WDR64: variants seen among roughly 807,000 people sequenced by gnomAD.
WDR64 encodes the protein WD repeat domain 64, also known as WD repeat-containing protein 64.
Under a neutral mutation model 139.3 loss-of-function variants are expected in WDR64, and 112 were observed. The observed-to-expected ratio is 0.80, with a 90% CI of 0.69 to 0.94. WDR64 has a LOEUF of 0.94. Among genes scored for constraint, WDR64 ranks in the 40% least tolerant of loss-of-function variants. The pLI, the probability that WDR64 is intolerant of heterozygous loss-of-function variation, is 0.00. For missense variants in WDR64, 1,206 were observed against 1,293.1 expected, an observed-to-expected ratio of 0.93 and a Z score of 1.03; for synonymous variants, 444 against 437.7, an observed-to-expected ratio of 1.01 and a Z score of -0.18.
At chr1:241,701,792 GC>G (rs1251959856) in intron 8 of WDR64, among the ~76,000 whole-genome samples, 2 of 152,196 alleles carry the variant, frequency 1.3e-5, no homozygotes, top group Non-Finnish European at 2.9e-5. Flanking sequence ...AGCAGCCACT[GC>G]CATTGTAGAG....
At chr1:241,675,123 C>CCTTCCTTCCTT (rs1427164669) in intron 4 of WDR64, among the ~76,000 whole-genome samples, 1 of 17,298 alleles carries the variant, frequency 5.8e-5, no homozygotes, top group Non-Finnish European at 8.8e-5. Flanking sequence ...CTCCCTCCCT[C>CCTTCCTTCCTT]CTTCCCTCCT....
At chr1:241,722,242 C>T (rs1331877113) in intron 9 of WDR64, among the ~76,000 whole-genome samples, 3 of 152,152 alleles carry the variant, frequency 2.0e-5, no homozygotes, top group Non-Finnish European at 4.4e-5. Flanking sequence ...GAACTATTAA[C>T]ATAGCAAACA....
intron 10 of WDR64, among the ~76,000 whole-genome samples, chr1:241,726,203 T>C (rs567107295): frequency 6.6e-6 from 1 of 152,022 alleles, no homozygotes; most frequent in Admixed American, 6.6e-5. Context: ...GTTTTTATAT[T>C]GATTATATAT....
intron 9 of WDR64, among the ~76,000 whole-genome samples, chr1:241,715,105 G>C (rs1485512599): frequency 6.6e-6 from 1 of 152,162 alleles, no homozygotes; most frequent in Non-Finnish European, 1.5e-5. Flanking sequence ...AGAAAAGAAA[G>C]GAAGGCATAT....
At chr1:241,694,297 G>T (rs1030943348) in intron 8 of WDR64, among the ~76,000 whole-genome samples, 1 of 152,184 alleles carries the variant, frequency 6.6e-6, no homozygotes, top group East Asian at 1.9e-4. Context: ...CTTCATGAAA[G>T]ATACTTTTTT....
In WDR64 at chr1:241,757,476, G is replaced by T; in HGVS notation, c.1947+17G>T. ...CCTACTGATGTAAGTTTCCTCTCTT[G>T]GTTTCTTTTTAACTTTTGCTTTTTG... On this transcript the variant is annotated intron_variant, in intron 15 of 27. Coordinates refer to ENST00000437684, the MANE Select transcript of WDR64 (RefSeq NM_001367482.1). 2 of 1,582,464 alleles carry T rather than the reference G, an allele frequency of 1.3e-6. No individual in the cohort carries two copies. Among genetic ancestry groups the T allele is most frequent in the Non-Finnish European group, 1.7e-6 (2 of 1,165,636 alleles).
intron 17 of WDR64, among the ~76,000 whole-genome samples, chr1:241,769,999 T>G (rs895778703): frequency 6.6e-6 from 1 of 152,206 alleles, no homozygotes; most frequent in Non-Finnish European, 1.5e-5. Flanking sequence ...TATATTTGCA[T>G]AAGAGCTCTG....
chr1:241,682,478 TG>T (rs1490442463), intron 6 of WDR64, among the ~76,000 whole-genome samples: 1 of 151,934 alleles, frequency 6.6e-6, no homozygotes, highest in Non-Finnish European at 1.5e-5. Flanking sequence ...TCTGTTCCAT[TG>T]GTCTATGTGC....
intron 10 of WDR64, among the ~76,000 whole-genome samples, chr1:241,737,485 A>G (rs1276845494): frequency 6.6e-6 from 1 of 152,188 alleles, no homozygotes; most frequent in African/African-American, 2.4e-5. Context: ...CTCAACAAAT[A>G]CTCCAAATTA....
rs755615747 is a variant in WDR64, at chr1:241,766,292, T to G, written c.2022T>G (p.Ala674=). ...LQVEGYNLIA[A]GTLNGVIILW... ...TAGAAGGATATAATTTGATAGCAGC[T>G]GGAACCTTAAATGGTGTGATCATCT... Residue 674 remains alanine (A), a synonymous_variant, in exon 16 of 28, where the codon GCT becomes GCG. Coordinates refer to ENST00000437684, the MANE Select transcript of WDR64 (RefSeq NM_001367482.1). The G allele has an allele frequency of 2.2e-4, 359 of 1,614,056 alleles. No homozygotes were observed. The highest frequency in any genetic ancestry group is 2.9e-4 in the Non-Finnish European group (346 of 1,180,036).
chr1:241,796,677 AG>A (rs1176938452), intron 27 of WDR64, among the ~76,000 whole-genome samples: 1 of 152,076 alleles, frequency 6.6e-6, no homozygotes, highest in African/African-American at 2.4e-5. Context: ...TTTTTTTAGT[AG>A]AGATGGGGTT....
intron 10 of WDR64, among the ~76,000 whole-genome samples, chr1:241,727,264 G>C (rs1039656117): frequency 2.0e-5 from 3 of 152,180 alleles, no homozygotes; most frequent in Non-Finnish European, 4.4e-5. Context: ...AACATGTTAC[G>C]ATTGAGACCT....
At chr1:241,665,231 G>A (rs980043396) in intron 2 of WDR64, among the ~76,000 whole-genome samples, 2 of 152,114 alleles carry the variant, frequency 1.3e-5, no homozygotes, top group Non-Finnish European at 2.9e-5. Context: ...GGGCAGGAAT[G>A]TTCTTCTTTT....
intron 9 of WDR64, among the ~76,000 whole-genome samples, chr1:241,714,722 A>G (rs540436296): frequency 6.6e-6 from 1 of 152,320 alleles, no homozygotes; most frequent in East Asian, 1.9e-4. Flanking sequence ...ATAGTAGCCT[A>G]TTGGCAAGCA....
chr1:241,765,052 TAGC>T (rs1268947147), intron 15 of WDR64, among the ~76,000 whole-genome samples: 2 of 151,588 alleles, frequency 1.3e-5, no homozygotes, highest in African/African-American at 4.8e-5. Flanking sequence ...CCAGGCATGG[TAGC>T]ACCCACCTGT....
rs77229246 is a variant in WDR64, at chr1:241,660,628, A to G, written c.244A>G (p.Asn82Asp). ...DVKRFYRKLC[N>D]NTDASADWCE... The stretch of plus-strand genomic sequence containing the variant: ...GAAACGCTTTTACAGGAAACTGTGC[A>G]ACAACACGGATGCATCTGCAGACTG... Residue 82 changes from asparagine to aspartate, a missense_variant, in exon 2 of 28, where the codon AAC becomes GAC. Physicochemically the swap from Asn to Asp is conservative, Grantham distance 23. Coordinates refer to ENST00000437684, the MANE Select transcript of WDR64 (RefSeq NM_001367482.1). 0.024 allele frequency: 36,952 copies of G among 1,551,554 alleles called. 520 individuals are homozygous for G. Among genetic ancestry groups the G allele is most frequent in the Middle Eastern group, 0.04 (238 of 5,992 alleles).
At chr1:241,665,399 C>T (rs1387089755) in intron 2 of WDR64, among the ~76,000 whole-genome samples, 1 of 152,152 alleles carries the variant, frequency 6.6e-6, no homozygotes, top group East Asian at 1.9e-4. Flanking sequence ...GTATGGATTA[C>T]CTAGTGTTTT....
rs940298006 is a variant in WDR64 at position 241,802,493 on chromosome 1, A to T, written c.*1278A>T. ...TTAATAAAGTTTGGGTTATACAGCT[A>T]GGTGTGCATTTCAAAATTTATTGGA... is the stretch of plus-strand genomic sequence containing the variant. On this transcript the variant is annotated 3_prime_UTR_variant, in exon 28 of 28. Transcript: ENST00000437684. Among the ~76,000 whole-genome samples, 1 of 152,192 alleles carries T rather than the reference A, an allele frequency of 6.6e-6. No individual in the cohort carries two copies. Among genetic ancestry groups the T allele is most frequent in the Non-Finnish European group, 1.5e-5 (1 of 68,016 alleles).
chr1:241,710,125 C>A (rs1375772897), intron 8 of WDR64, among the ~76,000 whole-genome samples: 3 of 152,042 alleles, frequency 2.0e-5, no homozygotes, highest in African/African-American at 7.2e-5. Context: ...TCCTTCCCTG[C>A]CCCTTCCCTG....
Sources: allele counts gnomAD v4.1 joint callset (sites outside exome capture counted in the v4.1 genomes callset), GRCh38; gene constraint gnomAD v4.1.1; transcripts MANE v1.5; gene names NCBI Gene and HGNC (gene_info 2026-07-23, HGNC 2026-07-21).